PRIM2: variants seen among roughly 807,000 people sequenced by gnomAD.
PRIM2 encodes DNA primase large subunit.
A neutral mutation model predicts 67.3 loss-of-function variants in PRIM2; 39 were observed. That is an observed-to-expected ratio of 0.58 (90% confidence interval 0.45 to 0.76). The LOEUF (loss-of-function observed/expected upper bound fraction) is 0.76. PRIM2 is among the 30% of genes least tolerant of loss of function. PRIM2 has a pLI of 0.00. For synonymous variants in PRIM2, 143 were observed against 198.7 expected (o/e 0.72, Z 2.36); for missense variants, 398 against 598.7 (o/e 0.66, Z 3.50).
intron 10 of PRIM2, among the ~76,000 whole-genome samples, chr6:57,576,674 C>A (rs1339818180): frequency 6.7e-6 from 1 of 149,800 alleles, no homozygotes; most frequent in Non-Finnish European, 1.5e-5. Context: ...GGAAGCATTT[C>A]TCTTCCGTCA....
At chr6:57,414,653 G>A (rs11759100) in intron 7 of PRIM2, among the ~76,000 whole-genome samples, 5 of 152,020 alleles carry the variant, frequency 3.3e-5, no homozygotes, top group African/African-American at 7.2e-5. Flanking sequence ...TGGTAGTAGC[G>A]GATGAAACAT....
the PRIM2 span, among the ~76,000 whole-genome samples, chr6:57,274,041 G>C: frequency 1.3e-5 from 2 of 152,214 alleles, no homozygotes; most frequent in South Asian, 2.1e-4. Flanking sequence ...GCCCCTACTG[G>C]GGGGTGCCTC....
At chr6:57,361,406 C>A (rs1483922139) in intron 5 of PRIM2, among the ~76,000 whole-genome samples, 1 of 151,682 alleles carries the variant, frequency 6.6e-6, no homozygotes, top group Admixed American at 6.6e-5. Context: ...TAGGGTATAA[C>A]CAAGGGGAGG....
Position 57,325,922 on chromosome 6 carries a change from C to T in PRIM2, c.339-3C>T. 2 of 1,587,882 alleles carry T rather than the reference C, an allele frequency of 1.3e-6. No individual in the cohort carries two copies. The highest frequency in any genetic ancestry group is 1.7e-6 in the Non-Finnish European group (2 of 1,167,942). On this transcript the variant is annotated splice_region_variant and splice_polypyrimidine_tract_variant and intron_variant, in intron 4 of 13. Coordinates refer to ENST00000615550, the MANE Select transcript of PRIM2 (RefSeq NM_000947.5). ...GTACTCATAATTTCTGTCTTCATTT[C>T]AGTGAAGAACTTAGACGCTGGTTCA...
At chr6:57,269,104 G>C in the PRIM2 span, among the ~76,000 whole-genome samples, 1 of 152,128 alleles carries the variant, frequency 6.6e-6, no homozygotes, top group African/African-American at 2.4e-5. Context: ...ATGTGTGCAT[G>C]TGTCTTTATA....
the PRIM2 span, among the ~76,000 whole-genome samples, chr6:57,245,710 A>G: frequency 2.0e-5 from 3 of 152,224 alleles, no homozygotes; most frequent in Admixed American, 2.0e-4. Flanking sequence ...GAAGGGATCA[A>G]ACAATAGCTC....
At chr6:57,322,618 C>T (rs1195197500) in intron 3 of PRIM2, among the ~76,000 whole-genome samples, 2 of 152,130 alleles carry the variant, frequency 1.3e-5, no homozygotes, top group Non-Finnish European at 2.9e-5. Context: ...TGTAAGTTTC[C>T]TGAGGTCTCC....
chr6:57,591,002 A>G (rs1209477065), intron 10 of PRIM2, among the ~76,000 whole-genome samples: 1 of 152,120 alleles, frequency 6.6e-6, no homozygotes, highest in African/African-American at 2.4e-5. Context: ...AACCATTAGT[A>G]TTTACTGCCT....
At chr6:57,287,012 C>T in the PRIM2 span, among the ~76,000 whole-genome samples, 1 of 152,172 alleles carries the variant, frequency 6.6e-6, no homozygotes, top group South Asian at 2.1e-4. Context: ...GAAAAAAGCT[C>T]ATCATCACTG....
intron 7 of PRIM2, among the ~76,000 whole-genome samples, chr6:57,449,726 A>G (rs1309687930): frequency 1.3e-5 from 2 of 152,206 alleles, no homozygotes; most frequent in Non-Finnish European, 2.9e-5. Flanking sequence ...TGTAAACTAC[A>G]CATGAAAGCA....
the PRIM2 span, among the ~76,000 whole-genome samples, chr6:57,232,925 C>T: frequency 6.6e-6 from 1 of 152,184 alleles, no homozygotes; most frequent in African/African-American, 2.4e-5. Context: ...TGTCCTTCCA[C>T]ATATTAGAGG....
chr6:57,610,082 T>A (rs1776636076), intron 12 of PRIM2, among the ~76,000 whole-genome samples: 1 of 152,188 alleles, frequency 6.6e-6, no homozygotes, highest in Non-Finnish European at 1.5e-5. Context: ...TTTTTAAAAT[T>A]TTTGGAGACA....
At chr6:57,292,445 C>A in the PRIM2 span, among the ~76,000 whole-genome samples, 18 of 152,142 alleles carry the variant, frequency 1.2e-4, no homozygotes, top group African/African-American at 4.1e-4. Context: ...AGATTCAATG[C>A]CATCCCCATC....
chr6:57,327,466 G>A (rs529878718), intron 5 of PRIM2, among the ~76,000 whole-genome samples: 68 of 152,290 alleles, frequency 4.5e-4, no homozygotes, highest in South Asian at 2.3e-3. Flanking sequence ...GACTGTGAAG[G>A]GAAGTGAACA....
At position 57,323,751 on chromosome 6, in the gene PRIM2, C is replaced by G. The variant is rs138738152; in HGVS notation, c.259-450C>G. 5.4e-3 allele frequency among the ~76,000 whole-genome samples: 813 copies of G among 151,298 alleles called. 1 individual carries two copies. The highest frequency in any genetic ancestry group is 8.9e-3 in the Non-Finnish European group (602 of 67,872). ...TACCTATGTAACAAACCTGCACATTCTGCACATGTATCCCAGAACTTAAAG... is the reference window on the plus strand; with the variant it reads ...TACCTATGTAACAAACCTGCACATTGTGCACATGTATCCCAGAACTTAAAG... On this transcript the variant is annotated intron_variant, in intron 3 of 13. Coordinates refer to ENST00000615550, the MANE Select transcript of PRIM2 (RefSeq NM_000947.5).
At chr6:57,306,838 A>G in the PRIM2 span, among the ~76,000 whole-genome samples, 1 of 152,176 alleles carries the variant, frequency 6.6e-6, no homozygotes, top group Non-Finnish European at 1.5e-5. Context: ...TCCACTTTCA[A>G]AAAAACTTTT....
chr6:57,483,413 T>C (rs1315111167), intron 7 of PRIM2, among the ~76,000 whole-genome samples: 11 of 152,276 alleles, frequency 7.2e-5, no homozygotes, highest in African/African-American at 2.6e-4. Flanking sequence ...CACACACATA[T>C]CTACCCATAT....
chr6:57,527,337 G>A (rs1453399835), intron 8 of PRIM2, among the ~76,000 whole-genome samples: 1 of 152,144 alleles, frequency 6.6e-6, no homozygotes, highest in African/African-American at 2.4e-5. Context: ...TGAAATCTTG[G>A]CTTGGAAGCA....
At chr6:57,568,000 T>G (rs1775782356) in intron 10 of PRIM2, among the ~76,000 whole-genome samples, 1 of 152,226 alleles carries the variant, frequency 6.6e-6, no homozygotes, top group Non-Finnish European at 1.5e-5. Flanking sequence ...TAGGCATTTC[T>G]TCTCTGATTT....
Sources: gnomAD v4.1 joint callset for allele counts (sites outside exome capture counted in the v4.1 genomes callset) on GRCh38, gnomAD v4.1.1 for gene constraint, MANE v1.5 for transcripts, NCBI Gene and HGNC (gene_info 2026-07-23, HGNC 2026-07-21) for gene names.